The following RYR2 variants were observed in gnomAD, a reference collection of about 807,000 sequenced individuals.
RYR2 encodes ryanodine receptor 2, also known as cardiac muscle ryanodine receptor-calcium release channel.
In RYR2, 227 loss-of-function variants were observed where a neutral mutation model predicts 601.1. That is an observed-to-expected ratio of 0.38 (90% confidence interval 0.34 to 0.42). The LOEUF is 0.42. Ranked by LOEUF, RYR2 falls within the 10% of genes least tolerant of loss-of-function variation. The pLI, the probability that RYR2 is intolerant of heterozygous loss-of-function variation, is 1.00. For synonymous variants in RYR2, 2,223 were observed against 2,175.1 expected, an observed-to-expected ratio of 1.02 and a Z score of -0.61; for missense variants, 4,646 against 6,156.5, an observed-to-expected ratio of 0.75 and a Z score of 8.21.
chr1:237,797,221 CA>C (rs1659360794), intron 96 of RYR2, among the ~76,000 whole-genome samples: 2 of 152,018 alleles, frequency 1.3e-5, no homozygotes, highest in African/African-American at 4.8e-5. Context: ...AAAAACATGA[CA>C]AATGGGCAAA....
intron 1 of RYR2, among the ~76,000 whole-genome samples, chr1:237,087,943 G>A (rs1441851597): frequency 1.3e-5 from 2 of 152,192 alleles, no homozygotes; most frequent in Admixed American, 1.3e-4. Context: ...TGCATGCTGG[G>A]TTAAGTCATT....
intron 74 of RYR2, among the ~76,000 whole-genome samples, chr1:237,723,734 T>C (rs939615684): frequency 8.5e-5 from 13 of 152,272 alleles, no homozygotes; most frequent in African/African-American, 3.1e-4. Flanking sequence ...TAATTTTCTC[T>C]GAAATCAGGA....
At chr1:237,411,840 T>C (rs1357095126) in intron 10 of RYR2, among the ~76,000 whole-genome samples, 1 of 152,154 alleles carries the variant, frequency 6.6e-6, no homozygotes, top group African/African-American at 2.4e-5. Context: ...TGTGATGTCA[T>C]TGGTTGACAG....
intron 24 of RYR2, among the ~76,000 whole-genome samples, chr1:237,525,416 G>T (rs73112425): frequency 5.3e-5 from 8 of 151,630 alleles, no homozygotes; most frequent in Non-Finnish European, 8.8e-5. Flanking sequence ...AAATAGTGCC[G>T]CAATGAACAT....
rs1682392284 is a variant in RYR2 at position 237,648,448 on chromosome 1, G to T, written c.7347G>T (p.Gly2449=). 1 of 1,603,598 alleles carries T rather than the reference G, an allele frequency of 6.2e-7. No individual in the cohort carries two copies. Among genetic ancestry groups the T allele is most frequent in the African/African-American group, 1.3e-5 (1 of 74,716 alleles). Residue 2449 remains glycine, a synonymous_variant, in exon 49 of 105, where the codon GGG becomes GGT. Coordinates refer to ENST00000366574, the MANE Select transcript of RYR2 (RefSeq NM_001035.3). ...AAATTCACTTCTCTCTTTTAGATGG[G>T]AATGTGGTGGAACCTGACATGTCTG... ...AFQMPTIAKD[G]NVVEPDMSAG...
intron 1 of RYR2, among the ~76,000 whole-genome samples, chr1:237,238,060 T>A (rs72764083): frequency 6.6e-6 from 1 of 150,552 alleles, no homozygotes; most frequent in Non-Finnish European, 1.5e-5. Flanking sequence ...CTCCAGATGA[T>A]CCTCCCATCT....
intron 58 of RYR2, among the ~76,000 whole-genome samples, chr1:237,669,515 C>A (rs1418188994): frequency 2.7e-5 from 4 of 150,920 alleles, no homozygotes; most frequent in Non-Finnish European, 5.9e-5. Flanking sequence ...GCTGACCCCC[C>A]CCACCTCCCT....
At chr1:237,787,895 C>T in intron 91 of RYR2, 93 bp from the exon 92 acceptor site, 1 of 1,211,880 alleles carries the variant, frequency 8.3e-7, no homozygotes, top group Non-Finnish European at 1.2e-6. Flanking sequence ...ATATGATGGC[C>T]TAAAATATTT....
At chr1:237,432,071 C>T (rs1706860997) in intron 12 of RYR2, among the ~76,000 whole-genome samples, 1 of 151,192 alleles carries the variant, frequency 6.6e-6, no homozygotes, top group Non-Finnish European at 1.5e-5. Context: ...GAAACAAATG[C>T]CACAGTAAGC....
At chr1:237,521,545 C>T (rs1037666466) in intron 24 of RYR2, among the ~76,000 whole-genome samples, 2 of 139,136 alleles carry the variant, frequency 1.4e-5, no homozygotes, top group African/African-American at 5.0e-5. Flanking sequence ...CATGGTGAAA[C>T]CCTGTCTCTA....
intron 1 of RYR2, among the ~76,000 whole-genome samples, chr1:237,139,358 G>A (rs535251177): frequency 1.3e-5 from 2 of 152,310 alleles, no homozygotes; most frequent in Middle Eastern, 3.4e-3. Flanking sequence ...GTAGATGAGT[G>A]GCTGTCAGGG....
intron 96 of RYR2, among the ~76,000 whole-genome samples, 162 bp from the exon 97 acceptor site, chr1:237,797,875 T>G (rs563070677): frequency 6.6e-6 from 1 of 152,314 alleles, no homozygotes; most frequent in African/African-American, 2.4e-5. Context: ...TGTTTAGACC[T>G]TAAGCAGTGT....
intron 20 of RYR2, among the ~76,000 whole-genome samples, chr1:237,499,147 C>T (rs1664377177): frequency 6.6e-6 from 1 of 152,006 alleles, no homozygotes; most frequent in Admixed American, 6.6e-5. Flanking sequence ...TTCTCTGCCA[C>T]TTAACATTTT....
chr1:237,661,744 G>T (rs1683822921), intron 56 of RYR2, among the ~76,000 whole-genome samples: 1 of 152,128 alleles, frequency 6.6e-6, no homozygotes, highest in South Asian at 2.1e-4. Flanking sequence ...GGCAGAGCAA[G>T]AATTCACAGA....
chr1:237,491,868 G>C lies in RYR2; in HGVS notation c.1771G>C (p.Glu591Gln), dbSNP rs1422548841. The stretch of plus-strand genomic sequence containing the variant: ...TCCAGAAGCTCTAAATATTATTAAA[G>C]AAGGACATATTAAATCTATTATCTC... ...ESPEALNIIK[E>Q]GHIKSIISLL... is the part of the protein sequence containing the mutation. The change falls in exon 18 of 105, where the codon GAA becomes CAA. Residue 591 changes from glutamate (E) to glutamine (Q), a missense_variant. Glu to Gln is a conservative substitution (Grantham distance 29). This residue lies in a region of RYR2 where 1,807 missense variants were observed against 2,088.1 expected (regional missense o/e 0.87). Transcript: ENST00000366574. The C allele has an allele frequency of 6.8e-7, 1 of 1,476,840 alleles. No individual in the cohort carries two copies. Among genetic ancestry groups the C allele is most frequent in the Admixed American group, 1.9e-5 (1 of 52,328 alleles). 91.5% of individuals were successfully genotyped at this position (1,476,840 alleles called of 1,614,324 possible). A position where few individuals can be genotyped will look rare whatever the true frequency, so the allele number is the denominator to read the frequency against.
Position 237,341,869 on chromosome 1 carries a change from G to A in RYR2, c.273+10887G>A, listed in dbSNP as rs145078431. On this transcript the variant is annotated intron_variant, in intron 3 of 104. Transcript: ENST00000366574. ...GGAAAAGTCAGAAAATAACCTTTTG[G>A]GTTCGGTAATCCTCCATCCTCATTT... Among the ~76,000 whole-genome samples the A allele has an allele frequency of 3.3e-5, 5 of 152,220 alleles. No homozygotes were observed. The East Asian group carries it at 9.7e-4, about 29-fold the overall frequency.
intron 1 of RYR2, among the ~76,000 whole-genome samples, chr1:237,091,217 A>G (rs557464954): frequency 6.6e-6 from 1 of 152,306 alleles, no homozygotes; most frequent in East Asian, 1.9e-4. Context: ...ACACCCAGAA[A>G]CACAATTGGC....
At chr1:237,606,434 CTT>C (rs975444435) in intron 35 of RYR2, among the ~76,000 whole-genome samples, 1 of 152,214 alleles carries the variant, frequency 6.6e-6, no homozygotes, top group African/African-American at 2.4e-5. Context: ...GGATTAAAGA[CTT>C]AAATGTTCGA....
intron 1 of RYR2, among the ~76,000 whole-genome samples, chr1:237,114,418 A>G (rs1371148510): frequency 6.6e-6 from 1 of 152,246 alleles, no homozygotes; most frequent in Non-Finnish European, 1.5e-5. Context: ...TGAAATGGAC[A>G]TGACATCTTC....
Sources: allele counts gnomAD v4.1 joint callset (sites outside exome capture counted in the v4.1 genomes callset), GRCh38; gene constraint gnomAD v4.1.1; regional missense constraint gnomAD v4.1.1; transcripts MANE v1.5; gene names NCBI Gene and HGNC (gene_info 2026-07-23, HGNC 2026-07-21).